TMEM151A: variants seen among roughly 807,000 people sequenced by gnomAD.
TMEM151A encodes the protein transmembrane protein 151.
TMEM151A carries 21 observed loss-of-function variants against 33.7 expected under a neutral mutation model. The ratio of observed to expected loss-of-function variants is 0.62; its 90% CI spans 0.44 to 0.90. The LOEUF is 0.90. Ranked by LOEUF, TMEM151A falls within the 40% of genes least tolerant of loss-of-function variation. TMEM151A has a pLI of 0.00. For missense variants in TMEM151A, 704 were observed against 697.7 expected (o/e 1.01, Z -0.10); for synonymous variants, 374 against 330.3 (o/e 1.13, Z -1.43).
rs1474652720 is a variant in TMEM151A at position 66,294,429 on chromosome 11, G to C, written c.183G>C (p.Trp61Cys). ...LIHACGAVVA[W>C]CRLATVPRLV... ...ACGCCTGCGGGGCCGTGGTGGCCTG[G>C]TGTCGCCTGGCCACAGTGCCGCGGC... The change falls in exon 2 of 2, where the codon TGG becomes TGC. Residue 61 changes from tryptophan (W) to cysteine (C), a missense_variant. Transcript: ENST00000327259. 2 of 1,611,264 alleles carry C rather than the reference G, an allele frequency of 1.2e-6. No homozygotes were observed. The highest frequency in any genetic ancestry group is 1.7e-6 in the Non-Finnish European group (2 of 1,179,472).
rs1248743169 is a variant in TMEM151A at position 66,294,760 on chromosome 11, G to A, written c.514G>A (p.Asp172Asn). ...CCAGATCACGCGCTACCGCAACGGC[G>A]ACGCCTACACCACCACGCAGGTGTA... The part of the protein sequence containing the change: ...TRQITRYRNG[D>N]AYTTTQVYHE... Residue 172 changes from aspartate to asparagine, a missense_variant, in exon 2 of 2, where the codon GAC (aspartate) becomes AAC (asparagine). This residue lies in a region of TMEM151A where 301 missense variants were observed against 323.4 expected (regional missense o/e 0.93). Coordinates refer to ENST00000327259, the MANE Select transcript of TMEM151A (RefSeq NM_153266.4). 1.6e-5 allele frequency: 25 copies of A among 1,547,612 alleles called. No individual in the cohort carries two copies. Among genetic ancestry groups the A allele is most frequent in the Non-Finnish European group, 1.8e-5 (21 of 1,147,448 alleles).
At position 66,294,262 on chromosome 11, in the gene TMEM151A, T is replaced by C. The variant is rs559563478; in HGVS notation, c.76-60T>C. 4.4e-4 allele frequency: 701 copies of C among 1,582,510 alleles called. 4 individuals are homozygous for C. The South Asian group carries it at 7.7e-3, about 17-fold the overall frequency. On this transcript the variant is annotated intron_variant, in intron 1 of 1. Transcript: ENST00000327259. The stretch of plus-strand genomic sequence containing the variant: ...CCTTCCTCAGCCGGGTTAAGCAAAG[T>C]GGCAGGCCCCACTGATGGCCCCACC...
At position 66,295,780 on chromosome 11, in the gene TMEM151A, T is replaced by C; in HGVS notation, c.*127T>C. ...CACACACAAGGGGCAGGGGTGAGGG[T>C]GGGGGTGGGGGTCCTTAAACAGACT... On this transcript the variant is annotated 3_prime_UTR_variant, in exon 2 of 2. Coordinates refer to ENST00000327259, the MANE Select transcript of TMEM151A (RefSeq NM_153266.4). 1.3e-6 allele frequency: 1 copy of C among 799,510 alleles called. No individual in the cohort carries two copies. The highest frequency in any genetic ancestry group is 1.7e-6 in the Non-Finnish European group (1 of 576,100). The allele number at this position is 799,510 out of a possible 1,614,324, so 49.5% of individuals were successfully genotyped here.
Position 66,294,739 on chromosome 11 carries a change from A to C in TMEM151A, c.493A>C (p.Ile165Leu). The change falls in exon 2 of 2, where the codon ATC (isoleucine) becomes CTC (leucine). Residue 165 changes from isoleucine (I) to leucine (L), a missense_variant. By Grantham distance (5) the Ile-to-Leu change is conservative. Coordinates refer to ENST00000327259, the MANE Select transcript of TMEM151A (RefSeq NM_153266.4). Reference sequence around the variant, plus strand: ...TCACTACGTGCGGCGCACACGCCAGATCACGCGCTACCGCAACGGCGACGC... The same window carrying C: ...TCACTACGTGCGGCGCACACGCCAGCTCACGCGCTACCGCAACGGCGACGC... ...SYHYVRRTRQ[I>L]TRYRNGDAYT... 2.6e-6 allele frequency: 4 copies of C among 1,553,302 alleles called. No individual in the cohort carries two copies. Among genetic ancestry groups the C allele is most frequent in the Non-Finnish European group, 3.5e-6 (4 of 1,149,830 alleles).
intron 1 of TMEM151A, among the ~76,000 whole-genome samples, chr11:66,293,179 A>ACAGGC (rs1857474357): frequency 6.6e-6 from 1 of 151,964 alleles, no homozygotes; most frequent in African/African-American, 2.4e-5. Context: ...TGTGCACCTG[A>ACAGGC]CAGGCCTTGC....
chr11:66,292,640 C>T lies in TMEM151A; in HGVS notation c.75+552C>T, dbSNP rs1014635039. ...CAGGAAGGTCTGCAGGACCTGGGGCCCCGAGTGATGTGTGGGGTGATAGGG... is the reference window on the plus strand; with the variant it reads ...CAGGAAGGTCTGCAGGACCTGGGGCTCCGAGTGATGTGTGGGGTGATAGGG... On this transcript the variant is annotated intron_variant, in intron 1 of 1. Transcript: ENST00000327259. This position sits in a 1 kb window ranked among gnomAD's most constrained non-coding sequence, Gnocchi z 4.7. Among the ~76,000 whole-genome samples the T allele has an allele frequency of 1.3e-5, 2 of 152,154 alleles. No individual in the cohort carries two copies. The highest frequency in any genetic ancestry group is 2.4e-5 in the African/African-American group (1 of 41,440).
chr11:66,295,175 A>T lies in TMEM151A; in HGVS notation c.929A>T (p.His310Leu). 6.9e-6 allele frequency: 11 copies of T among 1,586,654 alleles called. No individual in the cohort carries two copies. Among genetic ancestry groups the T allele is most frequent in the Non-Finnish European group, 9.4e-6 (11 of 1,170,386 alleles). Reference protein sequence around the residue: ...LRVVAAYGTAHVHYQVEKLFG... With the variant: ...LRVVAAYGTALVHYQVEKLFG... ...GTCGTGGCCGCCTATGGCACGGCTC[A>T]CGTGCACTACCAGGTGGAGAAGCTC... Residue 310 changes from histidine to leucine, a missense_variant, in exon 2 of 2, where the codon CAC becomes CTC. His to Leu is a moderately conservative substitution (Grantham distance 99). Coordinates refer to ENST00000327259, the MANE Select transcript of TMEM151A (RefSeq NM_153266.4).
intron 1 of TMEM151A, among the ~76,000 whole-genome samples, 181 bp from the exon 2 acceptor site, chr11:66,294,141 C>G (rs2134897980): frequency 6.6e-6 from 1 of 152,340 alleles, no homozygotes; most frequent in African/African-American, 2.4e-5. Context: ...ATATGCAGCG[C>G]CACTGTGAGT....
Position 66,295,516 on chromosome 11 carries a change from G to A in TMEM151A, c.1270G>A (p.Gly424Arg). The A allele has an allele frequency of 7.2e-7, 1 of 1,395,732 alleles. No homozygotes were observed. The highest frequency in any genetic ancestry group is 1.7e-5 in the South Asian group (1 of 60,020). The allele number at this position is 1,395,732 out of a possible 1,614,324, so 86.5% of individuals were successfully genotyped here. ...GCCAGGGGTCTTCCGCAGCCTGAGC[G>A]GGGGGCCGCTGGGGCGCCGTGGAGA... is the stretch of plus-strand genomic sequence containing the variant. The part of the protein sequence containing the change: ...ATPGVFRSLS[G>R]GPLGRRGEDT... The change falls in exon 2 of 2, where the codon GGG (glycine) becomes AGG (arginine). Residue 424 changes from glycine to arginine, a missense_variant. Physicochemically the swap from Gly to Arg is moderately radical, Grantham distance 125. Coordinates refer to ENST00000327259, the MANE Select transcript of TMEM151A (RefSeq NM_153266.4).
rs1303366557 is a variant in TMEM151A at position 66,294,631 on chromosome 11, C to G, written c.385C>G (p.Arg129Gly). The G allele has an allele frequency of 6.2e-7, 1 of 1,610,522 alleles. No homozygotes were observed. Among genetic ancestry groups the G allele is most frequent in the Non-Finnish European group, 8.5e-7 (1 of 1,178,780 alleles). Residue 129 changes from arginine (R) to glycine (G), a missense_variant, in exon 2 of 2, where the codon CGC becomes GGC. By Grantham distance (125) the Arg-to-Gly change is moderately radical (BLOSUM62 -2). Around this residue, in one of 3 missense-constraint regions of TMEM151A, gnomAD observed 301 missense variants for 323.4 expected, o/e 0.93. Transcript: ENST00000327259. ...HCHVRSCQAP[R>G]TDAHTVLALI... is the part of the protein sequence containing the mutation. ...TCACGTGCGGTCCTGCCAGGCGCCACGCACCGACGCCCACACGGTGCTGGC... is the reference window on the plus strand; with the variant it reads ...TCACGTGCGGTCCTGCCAGGCGCCAGGCACCGACGCCCACACGGTGCTGGC...
rs964515500 is a variant in TMEM151A, at chr11:66,294,728, G to A, written c.482G>A (p.Arg161His). 63 of 1,558,428 alleles carry A rather than the reference G, an allele frequency of 4.0e-5. No individual in the cohort carries two copies. Among genetic ancestry groups the A allele is most frequent in the Non-Finnish European group, 4.7e-5 (54 of 1,152,564 alleles). ...GCCACCAGCTATCACTACGTGCGGCGCACACGCCAGATCACGCGCTACCGC... is the reference window on the plus strand; with the variant it reads ...GCCACCAGCTATCACTACGTGCGGCACACACGCCAGATCACGCGCTACCGC... ...WKATSYHYVR[R>H]TRQITRYRNG... Residue 161 changes from arginine to histidine, a missense_variant, in exon 2 of 2, where the codon CGC becomes CAC. By Grantham distance (29) the Arg-to-His change is conservative. This residue lies in a region of TMEM151A where 301 missense variants were observed against 323.4 expected (regional missense o/e 0.93). Coordinates refer to ENST00000327259, the MANE Select transcript of TMEM151A (RefSeq NM_153266.4).
rs1373474667 is a variant in TMEM151A, at chr11:66,292,193, C to A, written c.75+105C>A. On this transcript the variant is annotated intron_variant, in intron 1 of 1. Coordinates refer to ENST00000327259, the MANE Select transcript of TMEM151A (RefSeq NM_153266.4). This position sits in a 1 kb window ranked among gnomAD's most constrained non-coding sequence, Gnocchi z 4.7. Reference sequence around the variant, plus strand: ...GCTGAGGAGGGAAGTCCCAGAGCCCCTACGGCCAATGACGTCATTGGGGTC... The same window carrying A: ...GCTGAGGAGGGAAGTCCCAGAGCCCATACGGCCAATGACGTCATTGGGGTC... 9.7e-7 allele frequency: 1 copy of A among 1,035,060 alleles called. No individual in the cohort carries two copies. Among genetic ancestry groups the A allele is most frequent in the Non-Finnish European group, 1.3e-6 (1 of 772,580 alleles). 64.1% of individuals were successfully genotyped at this position (1,035,060 alleles called of 1,614,324 possible).
In TMEM151A at chr11:66,295,524, G is replaced by T. The variant is rs757744599; in HGVS notation, c.1278G>T (p.Pro426=). The T allele has an allele frequency of 1.4e-6, 2 of 1,400,438 alleles. No individual in the cohort carries two copies. Among genetic ancestry groups the T allele is most frequent in the South Asian group, 1.7e-5 (1 of 60,472 alleles). 86.8% of individuals were successfully genotyped at this position (1,400,438 alleles called of 1,614,324 possible). A position where few individuals can be genotyped will look rare whatever the true frequency, so the allele number is the denominator to read the frequency against. The part of the protein sequence containing the change: ...PGVFRSLSGG[P]LGRRGEDTEP... ...TCTTCCGCAGCCTGAGCGGGGGGCCGCTGGGGCGCCGTGGAGAGGACACGG... is the reference window on the plus strand; with the variant it reads ...TCTTCCGCAGCCTGAGCGGGGGGCCTCTGGGGCGCCGTGGAGAGGACACGG... The change falls in exon 2 of 2, where the codon CCG becomes CCT. Residue 426 remains proline (P), a synonymous_variant. Coordinates refer to ENST00000327259, the MANE Select transcript of TMEM151A (RefSeq NM_153266.4).
At position 66,295,415 on chromosome 11, in the gene TMEM151A, C is replaced by A. The variant is rs1165283862; in HGVS notation, c.1169C>A (p.Pro390His). 1.3e-6 allele frequency: 2 copies of A among 1,506,934 alleles called. No homozygotes were observed. Among genetic ancestry groups the A allele is most frequent in the East Asian group, 5.4e-5 (2 of 36,714 alleles). The allele number at this position is 1,506,934 out of a possible 1,614,324, so 93.3% of individuals were successfully genotyped here. A position where few individuals can be genotyped will look rare whatever the true frequency, so the allele number is the denominator to read the frequency against. The change falls in exon 2 of 2, where the codon CCC (proline) becomes CAC (histidine). Residue 390 changes from proline to histidine, a missense_variant. By Grantham distance (77) the Pro-to-His change is moderately conservative. Transcript: ENST00000327259. Reference protein sequence around the residue: ...CRRSVSSNSLPPARPSGPRLP... With the variant: ...CRRSVSSNSLHPARPSGPRLP... ...CGCTCTGTCAGCAGCAACTCGCTGC[C>A]CCCCGCCCGGCCCAGCGGGCCCCGC... is the stretch of plus-strand genomic sequence containing the variant.
At position 66,295,186 on chromosome 11, in the gene TMEM151A, C is replaced by G. The variant is rs1334055667; in HGVS notation, c.940C>G (p.Gln314Glu). The change falls in exon 2 of 2, where the codon CAG becomes GAG. Residue 314 changes from glutamine to glutamate, a missense_variant. Physicochemically the swap from Gln to Glu is conservative, Grantham distance 29. Around this residue, in one of 3 missense-constraint regions of TMEM151A, gnomAD observed 398 missense variants for 356.0 expected, o/e 1.12. Transcript: ENST00000327259. ...CTATGGCACGGCTCACGTGCACTACCAGGTGGAGAAGCTCTTTGGCGCCAG... is the reference window on the plus strand; with the variant it reads ...CTATGGCACGGCTCACGTGCACTACGAGGTGGAGAAGCTCTTTGGCGCCAG... ...AAYGTAHVHY[Q>E]VEKLFGASSP... 6.3e-7 allele frequency: 1 copy of G among 1,586,892 alleles called. No individual in the cohort carries two copies. Among genetic ancestry groups the G allele is most frequent in the African/African-American group, 1.3e-5 (1 of 74,374 alleles).
chr11:66,295,479 C>G lies in TMEM151A; in HGVS notation c.1233C>G (p.Gly411=). Residue 411 remains glycine, a synonymous_variant, in exon 2 of 2, where the codon GGC becomes GGG. Coordinates refer to ENST00000327259, the MANE Select transcript of TMEM151A (RefSeq NM_153266.4). ...FSRSRLSLGA[G]GRATPGVFRS... is the part of the protein sequence containing the mutation. ...GCAGCCGCCTCTCGCTGGGCGCTGG[C>G]GGCCGGGCCACGCCAGGGGTCTTCC... 7.1e-7 allele frequency: 1 copy of G among 1,400,394 alleles called. No homozygotes were observed. The highest frequency in any genetic ancestry group is 3.7e-5 in the Admixed American group (1 of 26,866). The allele number at this position is 1,400,394 out of a possible 1,614,324, so 86.7% of individuals were successfully genotyped here.
At position 66,295,598 on chromosome 11, in the gene TMEM151A, T is replaced by C. The variant is rs1857511263; in HGVS notation, c.1352T>C (p.Val451Ala). The C allele has an allele frequency of 6.5e-7, 1 of 1,545,014 alleles. No individual in the cohort carries two copies. The highest frequency in any genetic ancestry group is 8.7e-7 in the Non-Finnish European group (1 of 1,148,028). ...PCYEDALYFPVLIVHGDSGCQ... is the reference protein window; with the variant it reads ...PCYEDALYFPALIVHGDSGCQ... ...TATGAGGACGCCCTCTACTTCCCGG[T>C]GCTCATTGTCCACGGAGACAGCGGC... is the stretch of plus-strand genomic sequence containing the variant. The change falls in exon 2 of 2, where the codon GTG becomes GCG. Residue 451 changes from valine to alanine, a missense_variant. Val to Ala is a moderately conservative substitution (Grantham distance 64, BLOSUM62 0). This residue lies in a region of TMEM151A where 398 missense variants were observed against 356.0 expected (regional missense o/e 1.12). Transcript: ENST00000327259.
chr11:66,294,985 G>A lies in TMEM151A; in HGVS notation c.739G>A (p.Glu247Lys). 1 of 1,586,270 alleles carries A rather than the reference G, an allele frequency of 6.3e-7. No homozygotes were observed. Among genetic ancestry groups the A allele is most frequent in the Non-Finnish European group, 8.5e-7 (1 of 1,173,104 alleles). Residue 247 changes from glutamate to lysine, a missense_variant, in exon 2 of 2, where the codon GAG becomes AAG. By Grantham distance (56) the Glu-to-Lys change is moderately conservative. Coordinates refer to ENST00000327259, the MANE Select transcript of TMEM151A (RefSeq NM_153266.4). ...TQRARFFSANEGLDDYLEARE... is the reference protein window; with the variant it reads ...TQRARFFSANKGLDDYLEARE... ...GCGGGCGCGCTTCTTCAGCGCCAACGAGGGCCTGGACGACTATCTGGAGGC... is the reference window on the plus strand; with the variant it reads ...GCGGGCGCGCTTCTTCAGCGCCAACAAGGGCCTGGACGACTATCTGGAGGC...
Position 66,292,064 on chromosome 11 carries a change from G to A in TMEM151A, c.51G>A (p.Pro17=). The A allele has an allele frequency of 6.7e-7, 1 of 1,488,038 alleles. No individual in the cohort carries two copies. The highest frequency in any genetic ancestry group is 8.9e-7 in the Non-Finnish European group (1 of 1,126,774). The allele number at this position is 1,488,038 out of a possible 1,614,324, so 92.2% of individuals were successfully genotyped here. Residue 17 remains proline (P), a synonymous_variant, in exon 1 of 2, where the codon CCG becomes CCA. Coordinates refer to ENST00000327259, the MANE Select transcript of TMEM151A (RefSeq NM_153266.4). This position sits in a 1 kb window ranked among gnomAD's most constrained non-coding sequence, Gnocchi z 4.7. ...GDGGEVPALI[P]DGEPLREEQR... is the part of the protein sequence containing the mutation. ...GCGGGGAGGTGCCCGCGCTCATCCCGGACGGCGAGCCGCTGCGGGAAGAGG... is the reference window on the plus strand; with the variant it reads ...GCGGGGAGGTGCCCGCGCTCATCCCAGACGGCGAGCCGCTGCGGGAAGAGG...
Sources: gnomAD v4.1 joint callset for allele counts (sites outside exome capture counted in the v4.1 genomes callset) on GRCh38, gnomAD v4.1.1 for gene constraint, gnomAD v4.1.1 regional missense constraint, Gnocchi (gnomAD v3.1) non-coding constraint, MANE v1.5 for transcripts, NCBI Gene and HGNC (gene_info 2026-07-23, HGNC 2026-07-21) for gene names.